Variants in PSG2 observed in about 807,000 individuals in gnomAD.
PSG2 encodes the protein pregnancy specific beta-1-glycoprotein 2.
Under a neutral mutation model 36.2 loss-of-function variants are expected in PSG2, and 49 were observed. That is an observed-to-expected ratio of 1.35 (90% CI 1.08 to 1.72). The LOEUF (loss-of-function observed/expected upper bound fraction) is 1.72. PSG2 is among the 40% of genes most tolerant of loss of function. PSG2 has a pLI of 0.00. For missense variants in PSG2, 605 were observed against 407.2 expected (o/e 1.49, Z -4.18); for synonymous variants, 261 against 155.6 (o/e 1.68, Z -5.04).
chr19:43,066,702 C>G, intron 4 of PSG2, 102 bp from the exon 5 acceptor site: 1 of 1,396,228 alleles, frequency 7.2e-7, no homozygotes, highest in Non-Finnish European at 1.0e-6. Context: ...ATAATTGTTT[C>G]TTCAAGGACC....
intron 3 of PSG2, among the ~76,000 whole-genome samples, chr19:43,072,161 C>G (rs561745160): frequency 2.0e-5 from 3 of 151,780 alleles, no homozygotes; most frequent in Admixed American, 1.3e-4. Context: ...CACGACAAGA[C>G]CGTCCACTCC....
At position 43,075,427 on chromosome 19, in the gene PSG2, T is replaced by A. The variant is rs780589097; in HGVS notation, c.636A>T (p.Ala212=). 17 of 1,613,110 alleles carry A rather than the reference T, an allele frequency of 1.1e-5. No homozygotes were observed. In the Middle Eastern group the frequency reaches 4.9e-4, roughly 47 times the overall value. The change falls in exon 3 of 6, where the codon GCA becomes GCT. Residue 212 remains alanine (A), a synonymous_variant. Coordinates refer to ENST00000406487, the MANE Select transcript of PSG2 (RefSeq NM_031246.4). ...TCCGTATTTCACATTCATAGGGTCC[T>A]GCAGTATACTTTGTGACACCAAATA... ...LFLFGVTKYT[A]GPYECEIRNS... is the part of the protein sequence containing the mutation.
chr19:43,074,384 G>A (rs1009734332), intron 3 of PSG2, among the ~76,000 whole-genome samples: 1 of 151,640 alleles, frequency 6.6e-6, no homozygotes, highest in African/African-American at 2.4e-5. Flanking sequence ...GCAATGTTTT[G>A]TAGTTTTCAA....
chr19:43,072,410 C>T (rs1259537852), intron 3 of PSG2: 4 of 1,612,576 alleles, frequency 2.5e-6, no homozygotes, highest in Non-Finnish European at 3.4e-6. Context: ...CCGTATTTCA[C>T]ATTCATAGGG....
At chr19:43,079,366 G>A (rs1289587335) in intron 2 of PSG2, among the ~76,000 whole-genome samples, 2 of 151,474 alleles carry the variant, frequency 1.3e-5, no homozygotes, top group Non-Finnish European at 2.9e-5. Flanking sequence ...GAGGTAGTGG[G>A]GGGATGAAAC....
intron 3 of PSG2, among the ~76,000 whole-genome samples, 190 bp downstream of exon 3, chr19:43,075,164 C>T (rs1478628274): frequency 6.6e-6 from 1 of 151,742 alleles, no homozygotes; most frequent in Non-Finnish European, 1.5e-5. Flanking sequence ...ACAGGAGGAG[C>T]CTCTTTTCTC....
intron 2 of PSG2, among the ~76,000 whole-genome samples, chr19:43,077,330 G>A (rs1967911518): frequency 6.6e-6 from 1 of 151,728 alleles, no homozygotes; most frequent in African/African-American, 2.4e-5. Flanking sequence ...CATAAAGGGA[G>A]GAAGGATGCC....
chr19:43,074,241 G>T (rs1967860010), intron 3 of PSG2, among the ~76,000 whole-genome samples: 1 of 151,566 alleles, frequency 6.6e-6, no homozygotes, highest in Non-Finnish European at 1.5e-5. Context: ...AAATGTTACT[G>T]TGATTCTGGG....
At position 43,071,862 on chromosome 19, in the gene PSG2, G is replaced by C. The variant is rs141385747; in HGVS notation, c.802C>G (p.Pro268Ala). 9 of 1,613,142 alleles carry C rather than the reference G, an allele frequency of 5.6e-6. No individual in the cohort carries two copies. In the East Asian group the frequency reaches 6.7e-5, roughly 12 times the overall value. ...YLSCFANSNP[P>A]AQYSWTINGK... ...TTAATTGTCCAAGAATACTGTGCCG[G>C]TGGGTTAGAGTTCGCGAAGCAAGAC... The change falls in exon 4 of 6, where the codon CCG (proline) becomes GCG (alanine). Residue 268 changes from proline to alanine, a missense_variant. Transcript: ENST00000406487.
rs1402839922 is a variant in PSG2 at position 43,080,934 on chromosome 19, T to A, written c.377A>T (p.Lys126Met). The change falls in exon 2 of 6, where the codon AAG (lysine) becomes ATG (methionine). Residue 126 changes from lysine to methionine, a missense_variant. Coordinates refer to ENST00000406487, the MANE Select transcript of PSG2 (RefSeq NM_031246.4). ...TACTCCTCTAGTCCCATCACCTCGC[T>A]TTATGATGTGTAAGGTGTAGGATCC... ...DAGSYTLHII[K>M]RGDGTRGVTG... The A allele has an allele frequency of 1.9e-6, 3 of 1,612,822 alleles. No individual in the cohort carries two copies. The highest frequency in any genetic ancestry group is 4.5e-5 in the East Asian group (2 of 44,878).
chr19:43,081,004 A>G lies in PSG2; in HGVS notation c.307T>C (p.Ser103Pro). The change falls in exon 2 of 6, where the codon TCC becomes CCC. Residue 103 changes from serine (S) to proline (P), a missense_variant. Physicochemically the swap from Ser to Pro is moderately conservative, Grantham distance 74 (BLOSUM62 -1). Transcript: ENST00000406487. ...TTCTGGATCAGCAGGGATGCATTGG[A>G]ATATGCTGTTTCTCGTCCACTATAT... is the stretch of plus-strand genomic sequence containing the variant. Reference protein sequence around the residue: ...PAYSGRETAYSNASLLIQNVT... With the variant: ...PAYSGRETAYPNASLLIQNVT... The G allele has an allele frequency of 6.2e-7, 1 of 1,613,034 alleles. No homozygotes were observed. Among genetic ancestry groups the G allele is most frequent in the Non-Finnish European group, 8.5e-7 (1 of 1,179,670 alleles).
rs1405847154 is a variant in PSG2 at position 43,066,476 on chromosome 19, C to A, written c.*40+41G>T. On this transcript the variant is annotated intron_variant, in intron 5 of 5. Coordinates refer to ENST00000406487, the MANE Select transcript of PSG2 (RefSeq NM_031246.4). The stretch of plus-strand genomic sequence containing the variant: ...TTTTCCCTCTCCCAAGCATGGCAGT[C>A]AGCTCTGCAGGAACCAGGATAAGAG... 2.0e-4 allele frequency: 284 copies of A among 1,395,508 alleles called. 9 individuals carry two copies. In the South Asian group the frequency reaches 2.5e-3, roughly 12 times the overall value. The allele number at this position is 1,395,508 out of a possible 1,614,324, so 86.4% of individuals were successfully genotyped here. A position where few individuals can be genotyped will look rare whatever the true frequency, so the allele number is the denominator to read the frequency against.
intron 4 of PSG2, among the ~76,000 whole-genome samples, chr19:43,068,455 CA>C (rs558588522): frequency 0.03 from 2,415 of 81,656 alleles, 61 homozygotes; most frequent in East Asian, 0.15. Context: ...CTCTTTTCAA[CA>C]AAAAAAAAAA....
chr19:43,073,661 T>A (rs1373090241), intron 3 of PSG2, among the ~76,000 whole-genome samples: 1 of 151,658 alleles, frequency 6.6e-6, no homozygotes, highest in East Asian at 1.9e-4. Context: ...AGACTGCTGG[T>A]TGCCAGGAGC....
chr19:43,071,556 T>A, intron 4 of PSG2, 144 bp downstream of exon 4: 1 of 1,594,136 alleles, frequency 6.3e-7, no homozygotes, highest in South Asian at 1.1e-5. Context: ...AGAGACAAAT[T>A]GGGAGGGTTC....
rs937364508 is a variant in PSG2, at chr19:43,064,452, C to G, written c.*190G>C. The G allele has an allele frequency of 7.2e-6, 3 of 414,344 alleles. No individual in the cohort carries two copies. Among genetic ancestry groups the G allele is most frequent in the African/African-American group, 2.1e-5 (1 of 47,670 alleles). The allele number at this position is 414,344 out of a possible 1,614,324, so 25.7% of individuals were successfully genotyped here. ...TCCTTTTGATTATTTAGTCCAATAA[C>G]ATTGAGTATTTTTCTTCTTTGTCTT... On this transcript the variant is annotated 3_prime_UTR_variant, in exon 6 of 6. Transcript: ENST00000406487.
chr19:43,079,588 C>T (rs1228364270), intron 2 of PSG2, among the ~76,000 whole-genome samples: 2 of 151,586 alleles, frequency 1.3e-5, no homozygotes, highest in East Asian at 3.9e-4. Context: ...AGGTCCTCTC[C>T]TTGATCCTCT....
Position 43,066,842 on chromosome 19 carries a change from C to T in PSG2, c.965-242G>A, listed in dbSNP as rs575470811. On this transcript the variant is annotated intron_variant, in intron 4 of 5. Transcript: ENST00000406487. ...TACTGCACTCAGATATTTTGGAAGG[C>T]TTTCAGATGTGAGAAAGGCTGATTG... is the stretch of plus-strand genomic sequence containing the variant. Among the ~76,000 whole-genome samples the T allele has an allele frequency of 3.3e-5, 5 of 149,684 alleles. No homozygotes were observed. The South Asian group carries it at 1.1e-3, about 32-fold the overall frequency.
rs1599711799 is a variant in PSG2, at chr19:43,081,049, T to C, written c.262A>G (p.Ile88Val). 1.2e-6 allele frequency: 2 copies of C among 1,612,954 alleles called. No individual in the cohort carries two copies. The highest frequency in any genetic ancestry group is 1.7e-6 in the Non-Finnish European group (2 of 1,179,660). ...YITSYVVDGQ[I>V]IIYGPAYSGR... The stretch of plus-strand genomic sequence containing the variant: ...CTATATGCAGGCCCATATATAATTA[T>C]TTGACCGTCTACTACATATGATGTA... Residue 88 changes from isoleucine to valine, a missense_variant, in exon 2 of 6, where the codon ATA (isoleucine) becomes GTA (valine). Coordinates refer to ENST00000406487, the MANE Select transcript of PSG2 (RefSeq NM_031246.4).
Sources: gnomAD v4.1 joint callset for allele counts (sites outside exome capture counted in the v4.1 genomes callset) on GRCh38, gnomAD v4.1.1 for gene constraint, MANE v1.5 for transcripts, NCBI Gene and HGNC (gene_info 2026-07-23, HGNC 2026-07-21) for gene names.